Variants in MLLT10 observed in about 807,000 individuals in gnomAD.
MLLT10 encodes the protein protein AF-10.
Under a neutral mutation model 129.1 loss-of-function variants are expected in MLLT10, and 30 were observed. The ratio of observed to expected loss-of-function variants is 0.23; its 90% confidence interval spans 0.17 to 0.32. MLLT10 has a LOEUF of 0.32. Among genes scored for constraint, MLLT10 ranks in the 10% least tolerant of loss-of-function variants. MLLT10 has a pLI of 1.00. For missense variants in MLLT10, 1,119 were observed against 1,268.3 expected (o/e 0.88, Z 1.79); for synonymous variants, 490 against 446.4 (o/e 1.10, Z -1.23).
intron 13 of MLLT10, among the ~76,000 whole-genome samples, chr10:21,708,156 A>G (rs1350054080): frequency 6.6e-6 from 1 of 151,972 alleles, no homozygotes; most frequent in East Asian, 1.9e-4. Flanking sequence ...CCTACTGAGT[A>G]TTTGTTTGAT....
chr10:21,727,825 C>G, intron 15 of MLLT10, 31 bp from the exon 16 acceptor site: 1 of 1,581,302 alleles, frequency 6.3e-7, no homozygotes, highest in East Asian at 2.2e-5. Flanking sequence ...GTGAGAGTCA[C>G]TTTATCAGCT....
At chr10:21,674,810 A>T (rs2051904491) in intron 11 of MLLT10, among the ~76,000 whole-genome samples, 1 of 152,182 alleles carries the variant, frequency 6.6e-6, no homozygotes, top group African/African-American at 2.4e-5. Context: ...AAGATAAATT[A>T]TTATGGATTG....
intron 11 of MLLT10, 75 bp downstream of exon 11, chr10:21,673,994 C>T: frequency 8.6e-7 from 1 of 1,164,118 alleles, no homozygotes; most frequent in East Asian, 2.5e-5. Context: ...ACGTTTTCAA[C>T]TGTTGTTACG....
At chr10:21,566,626 T>C (rs2039609923) in intron 3 of MLLT10, among the ~76,000 whole-genome samples, 3 of 151,676 alleles carry the variant, frequency 2.0e-5, no homozygotes, top group Non-Finnish European at 4.4e-5. Context: ...CCATGCCTTG[T>C]TTTAGTTTTT....
intron 4 of MLLT10, among the ~76,000 whole-genome samples, chr10:21,591,170 A>C (rs1225781978): frequency 6.6e-6 from 1 of 151,964 alleles, no homozygotes; most frequent in Admixed American, 6.6e-5. Context: ...CGATCCTCCT[A>C]CCTTAGCCCC....
chr10:21,584,676 C>T (rs2041820816), intron 3 of MLLT10, among the ~76,000 whole-genome samples: 1 of 151,610 alleles, frequency 6.6e-6, no homozygotes, highest in South Asian at 2.1e-4. Context: ...TAATTTTCTA[C>T]TCCAATTTTT....
chr10:21,572,799 G>A (rs1260415953), intron 3 of MLLT10, among the ~76,000 whole-genome samples: 1 of 151,416 alleles, frequency 6.6e-6, no homozygotes, highest in Non-Finnish European at 1.5e-5. Flanking sequence ...TTTTAGTAGA[G>A]ATAGGGTTTC....
chr10:21,646,615 T>C (rs1564569937), intron 8 of MLLT10, among the ~76,000 whole-genome samples: 2 of 152,166 alleles, frequency 1.3e-5, no homozygotes, highest in African/African-American at 4.8e-5. Flanking sequence ...GATTGAGATA[T>C]CATGTGTATT....
In MLLT10 at chr10:21,673,552, T is replaced by C. The variant is rs1477787589; in HGVS notation, c.1254T>C (p.Ile418=). Residue 418 remains isoleucine, a synonymous_variant, in exon 11 of 23, where the codon ATT becomes ATC. Coordinates refer to ENST00000307729, the MANE Select transcript of MLLT10 (RefSeq NM_001195626.3). ...GGGTAAATAGTTTTAGTACCTTAAT[T>C]GGCCTCCCTTCAACCTCAGCTGTTA... ...EGGVNSFSTL[I]GLPSTSAVTS... is the part of the protein sequence containing the mutation. 1.2e-6 allele frequency: 2 copies of C among 1,613,320 alleles called. No individual in the cohort carries two copies. The highest frequency in any genetic ancestry group is 3.3e-5 in the Admixed American group (2 of 59,890).
At chr10:21,586,024 G>T (rs1403951694) in intron 3 of MLLT10, among the ~76,000 whole-genome samples, 1 of 152,144 alleles carries the variant, frequency 6.6e-6, no homozygotes, top group African/African-American at 2.4e-5. Context: ...GCCTCCCAAA[G>T]TTCTAAGATT....
At chr10:21,601,605 G>A (rs1470473428) in intron 5 of MLLT10, among the ~76,000 whole-genome samples, 2 of 152,124 alleles carry the variant, frequency 1.3e-5, no homozygotes, top group Non-Finnish European at 2.9e-5. Context: ...TCTCACGATA[G>A]CCTCAAACTG....
intron 14 of MLLT10, among the ~76,000 whole-genome samples, chr10:21,723,891 ATC>A (rs1473210374): frequency 2.0e-5 from 3 of 152,180 alleles, no homozygotes; most frequent in Non-Finnish European, 4.4e-5. Flanking sequence ...GACTGGTAAT[ATC>A]TGTTTTTTCT....
chr10:21,653,871 A>C (rs2049296753), intron 9 of MLLT10, among the ~76,000 whole-genome samples: 2 of 152,340 alleles, frequency 1.3e-5, no homozygotes, highest in East Asian at 3.9e-4. Context: ...TTAAAGCCAC[A>C]AGACTGAATG....
chr10:21,731,164 T>A, intron 17 of MLLT10, 110 bp downstream of exon 17: 2 of 983,608 alleles, frequency 2.0e-6, no homozygotes, highest in African/African-American at 1.6e-5. Flanking sequence ...GATTATGATA[T>A]ACATTTTATA....
chr10:21,584,133 G>T (rs2041755865), intron 3 of MLLT10, among the ~76,000 whole-genome samples: 1 of 151,624 alleles, frequency 6.6e-6, no homozygotes, highest in Admixed American at 6.6e-5. Flanking sequence ...CTCCCAAAGT[G>T]CTGGGAATAC....
At chr10:21,549,143 G>C (rs970336784) in intron 3 of MLLT10, among the ~76,000 whole-genome samples, 14 of 98,390 alleles carry the variant, frequency 1.4e-4, no homozygotes, top group Non-Finnish European at 2.6e-4. Flanking sequence ...TTTTTTTTTA[G>C]ACTTGAGTCT....
At chr10:21,611,159 G>T (rs2044606717) in intron 5 of MLLT10, among the ~76,000 whole-genome samples, 2 of 148,812 alleles carry the variant, frequency 1.3e-5, no homozygotes, top group South Asian at 4.2e-4. Context: ...ACCATGCCCG[G>T]CTATTTTTTT....
chr10:21,651,729 A>G lies in MLLT10; in HGVS notation c.756A>G (p.Ser252=). 1 of 1,613,358 alleles carries G rather than the reference A, an allele frequency of 6.2e-7. No individual in the cohort carries two copies. Among genetic ancestry groups the G allele is most frequent in the South Asian group, 1.1e-5 (1 of 90,956 alleles). Residue 252 remains serine (S), a synonymous_variant, in exon 9 of 23, where the codon TCA becomes TCG. Coordinates refer to ENST00000307729, the MANE Select transcript of MLLT10 (RefSeq NM_001195626.3). ...KQKHKKQPEP[S]PALVPSLTVT... The stretch of plus-strand genomic sequence containing the variant: ...AACACAAGAAGCAGCCAGAACCATC[A>G]CCTGCATTGGTTCCATCCTTGACTG...
intron 13 of MLLT10, among the ~76,000 whole-genome samples, chr10:21,691,076 A>G (rs1337264492): frequency 1.3e-5 from 2 of 152,186 alleles, no homozygotes; most frequent in Non-Finnish European, 2.9e-5. Flanking sequence ...AACAAATTAT[A>G]ATTGGAAAGT....
Sources: allele counts gnomAD v4.1 joint callset (sites outside exome capture counted in the v4.1 genomes callset), GRCh38; gene constraint gnomAD v4.1.1; transcripts MANE v1.5; gene names NCBI Gene and HGNC (gene_info 2026-07-23, HGNC 2026-07-21).